Variants in CNBD1 observed in about 807,000 individuals in gnomAD.
CNBD1 encodes the protein cyclic nucleotide binding domain containing 1.
Under a neutral mutation model 54.4 loss-of-function variants are expected in CNBD1, and 71 were observed. The observed-to-expected ratio is 1.30, with a 90% CI of 1.08 to 1.59. CNBD1 has a LOEUF of 1.59. Among genes scored for constraint, CNBD1 ranks in the 40% most tolerant of loss-of-function variants. The pLI is 0.00. For synonymous variants in CNBD1, 182 were observed against 170.7 expected, an observed-to-expected ratio of 1.07 and a Z score of -0.51; for missense variants, 659 against 518.0, an observed-to-expected ratio of 1.27 and a Z score of -2.64.
In CNBD1 at chr8:86,901,310, C is replaced by T. The variant is rs184027938; in HGVS notation, c.159-3771C>T. On this transcript the variant is annotated intron_variant, in intron 2 of 10. Coordinates refer to ENST00000518476, the MANE Select transcript of CNBD1 (RefSeq NM_173538.3). ...TTTTCATCAAATACATGTGTAGATG[C>T]TATGATATTTGTAAGACAAATTCAG... is the stretch of plus-strand genomic sequence containing the variant. Among the ~76,000 whole-genome samples the T allele has an allele frequency of 3.8e-3, 573 of 151,364 alleles. 2 individuals carry two copies. Among genetic ancestry groups the T allele is most frequent in the Non-Finnish European group, 4.4e-3 (298 of 67,770 alleles).
chr8:87,288,706 G>C (rs1002030159), intron 8 of CNBD1, among the ~76,000 whole-genome samples: 1 of 151,968 alleles, frequency 6.6e-6, no homozygotes, highest in African/African-American at 2.4e-5. Flanking sequence ...ATAAACGGTG[G>C]TGTTTGTTAA....
At chr8:87,073,486 A>T (rs1245115637) in intron 4 of CNBD1, among the ~76,000 whole-genome samples, 1 of 152,004 alleles carries the variant, frequency 6.6e-6, no homozygotes, top group African/African-American at 2.4e-5. Context: ...GGTTTTCATG[A>T]GGTCTTTGTT....
At chr8:87,390,988 A>G (rs1811297004) in intron 2 of CNBD1, among the ~76,000 whole-genome samples, 1 of 151,976 alleles carries the variant, frequency 6.6e-6, no homozygotes, top group Non-Finnish European at 1.5e-5. Flanking sequence ...AACTATCACA[A>G]GGACAAAAAA....
chr8:86,980,598 T>C (rs777660254), intron 4 of CNBD1, among the ~76,000 whole-genome samples: 8 of 152,220 alleles, frequency 5.3e-5, no homozygotes, highest in Admixed American at 3.3e-4. Context: ...TGTAGAATCA[T>C]TAAGAGTCAA....
chr8:87,220,214 T>G (rs1388376073), intron 5 of CNBD1, among the ~76,000 whole-genome samples: 1 of 152,050 alleles, frequency 6.6e-6, no homozygotes, highest in Non-Finnish European at 1.5e-5. Context: ...GCTATGAATA[T>G]GATGAATTCT....
chr8:86,938,562 G>A (rs1809592880), intron 3 of CNBD1, among the ~76,000 whole-genome samples: 3 of 152,188 alleles, frequency 2.0e-5, no homozygotes, highest in Admixed American at 2.0e-4. Flanking sequence ...ATAGGAGCAG[G>A]CAAATAGAGA....
intron 4 of CNBD1, among the ~76,000 whole-genome samples, chr8:87,003,609 CTTTA>C (rs1809036924): frequency 6.6e-6 from 1 of 152,044 alleles, no homozygotes; most frequent in Admixed American, 6.6e-5. Flanking sequence ...AGATAAATCC[CTTTA>C]TTTTATTTTA....
chr8:87,131,224 G>A (rs759329880), intron 4 of CNBD1, among the ~76,000 whole-genome samples: 1 of 151,844 alleles, frequency 6.6e-6, no homozygotes, highest in Non-Finnish European at 1.5e-5. Flanking sequence ...TTCACTACTT[G>A]TTTTATATTT....
At chr8:87,122,488 T>A (rs1811909575) in intron 4 of CNBD1, among the ~76,000 whole-genome samples, 1 of 151,886 alleles carries the variant, frequency 6.6e-6, no homozygotes, top group Non-Finnish European at 1.5e-5. Flanking sequence ...TTCTGTGGAT[T>A]GCCTCTTCAG....
chr8:87,052,173 TC>T (rs1045907192), intron 4 of CNBD1, among the ~76,000 whole-genome samples: 3 of 152,184 alleles, frequency 2.0e-5, no homozygotes, highest in Admixed American at 2.0e-4. Context: ...CCTCTCTTTT[TC>T]CTGGGCCTCT....
At chr8:87,017,152 G>A (rs772784014) in intron 4 of CNBD1, among the ~76,000 whole-genome samples, 9 of 152,080 alleles carry the variant, frequency 5.9e-5, no homozygotes, top group East Asian at 1.9e-4. Context: ...GGGGTAAAAC[G>A]GCTTTCTGGA....
chr8:86,996,542 A>G (rs1423165918), intron 4 of CNBD1, among the ~76,000 whole-genome samples: 1 of 152,244 alleles, frequency 6.6e-6, no homozygotes, highest in Non-Finnish European at 1.5e-5. Flanking sequence ...ACAATATTAT[A>G]GTAGCAGGCT....
At chr8:87,338,440 C>A (rs1034041251) in intron 8 of CNBD1, among the ~76,000 whole-genome samples, 2 of 152,060 alleles carry the variant, frequency 1.3e-5, no homozygotes, top group African/African-American at 4.8e-5. Flanking sequence ...TTTCAGGTTA[C>A]AGAATTCAAG....
At chr8:86,876,665 ATCAG>A (rs138434106) in intron 1 of CNBD1, among the ~76,000 whole-genome samples, 70,886 of 151,164 alleles carry the variant, frequency 0.47, 16,797 homozygotes, top group East Asian at 0.56. Context: ...TTCTTGTAAT[ATCAG>A]TCATTTTTTT....
At chr8:87,174,936 T>C (rs1475964055) in intron 4 of CNBD1, among the ~76,000 whole-genome samples, 1 of 152,180 alleles carries the variant, frequency 6.6e-6, no homozygotes, top group African/African-American at 2.4e-5. Context: ...AGTCTTCCTC[T>C]CTGTGCTGAG....
chr8:87,198,180 T>A (rs978740754), intron 4 of CNBD1, among the ~76,000 whole-genome samples: 1 of 152,208 alleles, frequency 6.6e-6, no homozygotes, highest in Non-Finnish European at 1.5e-5. Context: ...TAATCTTCCT[T>A]TTTCCAATTA....
intron 10 of CNBD1, among the ~76,000 whole-genome samples, chr8:87,376,530 A>G (rs1472853050): frequency 6.6e-6 from 1 of 152,068 alleles, no homozygotes; most frequent in East Asian, 1.9e-4. Flanking sequence ...AAAAATAATT[A>G]TCTTCTGAAA....
intron 5 of CNBD1, among the ~76,000 whole-genome samples, chr8:87,220,985 C>T (rs1469638852): frequency 6.6e-6 from 1 of 152,006 alleles, no homozygotes; most frequent in Non-Finnish European, 1.5e-5. Context: ...TCACCCTCTC[C>T]CCATATTTGA....
At chr8:87,130,230 C>T (rs1164442568) in intron 4 of CNBD1, among the ~76,000 whole-genome samples, 1 of 152,098 alleles carries the variant, frequency 6.6e-6, no homozygotes, top group East Asian at 1.9e-4. Context: ...CATTATTATT[C>T]TTGATTTCTC....
Sources: allele counts gnomAD v4.1 joint callset (sites outside exome capture counted in the v4.1 genomes callset), GRCh38; gene constraint gnomAD v4.1.1; transcripts MANE v1.5; gene names NCBI Gene and HGNC (gene_info 2026-07-23, HGNC 2026-07-21).